The following PALM2AKAP2 variants were observed in gnomAD, a reference collection of about 807,000 sequenced individuals.
The protein encoded by PALM2AKAP2 is PALM2 and AKAP2 fusion, also known as PALM2-AKAP2 fusion protein.
PALM2AKAP2 carries 37 observed loss-of-function variants against 71.5 expected under a neutral mutation model. That is an observed-to-expected ratio of 0.52 (90% CI 0.40 to 0.68). The LOEUF is 0.68. Ranked by LOEUF, PALM2AKAP2 falls within the 30% of genes least tolerant of loss-of-function variation. The probability of loss-of-function intolerance (pLI) is 0.00; values close to 1 mark genes in which losing one functional copy is unlikely to be tolerated. For synonymous variants in PALM2AKAP2, 468 were observed against 478.8 expected (o/e 0.98, Z 0.29); for missense variants, 1,224 against 1,191.8 (o/e 1.03, Z -0.40).
At chr9:109,977,778 C>G (rs968290080) in intron 6 of PALM2AKAP2, among the ~76,000 whole-genome samples, 1 of 152,206 alleles carries the variant, frequency 6.6e-6, no homozygotes, top group Admixed American at 6.5e-5. Flanking sequence ...CTGCCTCTCT[C>G]TGGGTATCAG....
rs1828843918 is a variant in PALM2AKAP2 at position 109,846,054 on chromosome 9, G to A, written c.46-21437G>A. Among the ~76,000 whole-genome samples, 3 of 152,188 alleles carry A rather than the reference G, an allele frequency of 2.0e-5. No individual in the cohort carries two copies. The South Asian group carries it at 6.2e-4, about 32-fold the overall frequency. ...ATGTGATACAGAGGGCCATGTGGGG[G>A]GCAGTGTGATTCCTTTAGATTGGGT... On this transcript the variant is annotated intron_variant, in intron 1 of 9. Coordinates refer to the PALM2AKAP2 transcript ENST00000302798.
intron 7 of PALM2AKAP2, among the ~76,000 whole-genome samples, chr9:110,021,689 A>T (rs188782012): frequency 8.8e-4 from 133 of 151,858 alleles, no homozygotes; most frequent in African/African-American, 3.1e-3. Flanking sequence ...ATCTCAGAAT[A>T]GCTTCTATTT....
intron 1 of PALM2AKAP2, among the ~76,000 whole-genome samples, chr9:110,049,032 C>G (rs1833657704): frequency 6.6e-6 from 1 of 152,046 alleles, no homozygotes; most frequent in South Asian, 2.1e-4. Context: ...GGGAGAGGGC[C>G]CGGGTGGAGG....
At chr9:110,090,175 GC>G in intron 1 of PALM2AKAP2, 1 of 326,994 alleles carries the variant, frequency 3.1e-6, no homozygotes. Flanking sequence ...CAGCCTGTGT[GC>G]TTCCTGGGGC....
chr9:109,942,792 CAA>C (rs1426934569), intron 6 of PALM2AKAP2: 9 of 1,614,094 alleles, frequency 5.6e-6, no homozygotes, highest in Non-Finnish European at 7.6e-6. Context: ...AGAAAGGAGT[CAA>C]AGTCTATGAT....
At chr9:110,025,538 G>A (rs1362496026) in intron 7 of PALM2AKAP2, among the ~76,000 whole-genome samples, 1 of 151,944 alleles carries the variant, frequency 6.6e-6, no homozygotes, top group African/African-American at 2.4e-5. Flanking sequence ...GTCTTCCTTT[G>A]TCTTGGGATT....
chr9:109,919,904 G>T (rs1830788280), intron 3 of PALM2AKAP2, among the ~76,000 whole-genome samples: 1 of 152,094 alleles, frequency 6.6e-6, no homozygotes, highest in Non-Finnish European at 1.5e-5. Flanking sequence ...CTGTGAGTAG[G>T]CTGGGTATTT....
chr9:109,790,924 A>C (rs781293475), intron 1 of PALM2AKAP2, among the ~76,000 whole-genome samples: 2 of 152,218 alleles, frequency 1.3e-5, no homozygotes, highest in African/African-American at 4.8e-5. Flanking sequence ...TGTAACCTGC[A>C]TGGCCTATTT....
At chr9:109,665,898 C>T (rs528043733) in intron 1 of PALM2AKAP2, among the ~76,000 whole-genome samples, 44 of 152,342 alleles carry the variant, frequency 2.9e-4, no homozygotes, top group African/African-American at 9.4e-4. Context: ...TCAGCAATGG[C>T]GGATGCCCCT....
At chr9:109,824,634 G>GTTGCTT in intron 1 of PALM2AKAP2, among the ~76,000 whole-genome samples, 1 of 152,152 alleles carries the variant, frequency 6.6e-6, no homozygotes, top group Non-Finnish European at 1.5e-5. Flanking sequence ...GTCTCCTTAT[G>GTTGCTT]TTGCTTTTAG....
chr9:109,780,342 C>T (rs1829419873), upstream of PALM2AKAP2: 2 of 1,530,288 alleles, frequency 1.3e-6, no homozygotes, highest in East Asian at 2.3e-5. Flanking sequence ...CAGCTCTGCC[C>T]GCCGCCCCTG....
At chr9:109,966,440 G>A (rs1171856211) in intron 6 of PALM2AKAP2, among the ~76,000 whole-genome samples, 1 of 152,212 alleles carries the variant, frequency 6.6e-6, no homozygotes, top group Non-Finnish European at 1.5e-5. Context: ...TCTAATACCA[G>A]TACTGCTGCT....
intron 1 of PALM2AKAP2, among the ~76,000 whole-genome samples, chr9:109,692,411 A>G (rs1317104596): frequency 6.6e-6 from 1 of 151,870 alleles, no homozygotes; most frequent in Non-Finnish European, 1.5e-5. Context: ...AGTCTTAATT[A>G]TTCTTTTCTT....
rs374409705 is a variant in PALM2AKAP2 at position 109,874,377 on chromosome 9, G to A, written c.127-6174G>A. 5.3e-5 allele frequency among the ~76,000 whole-genome samples: 8 copies of A among 152,326 alleles called. No homozygotes were observed. In the East Asian group the frequency reaches 1.4e-3, roughly 26 times the overall value. On this transcript the variant is annotated intron_variant, in intron 2 of 9. Transcript: ENST00000302798. ...TCTTACACAGAGGCAAGATAGTAGAGTGTACCTCTTGGCTTCAAATCCCAG... is the reference window on the plus strand; with the variant it reads ...TCTTACACAGAGGCAAGATAGTAGAATGTACCTCTTGGCTTCAAATCCCAG...
chr9:109,815,584 T>G (rs1226386864), intron 1 of PALM2AKAP2, among the ~76,000 whole-genome samples: 1 of 150,882 alleles, frequency 6.6e-6, no homozygotes, highest in East Asian at 1.9e-4. Context: ...AAGGAGGGAG[T>G]GATGCATGGT....
intron 1 of PALM2AKAP2, among the ~76,000 whole-genome samples, chr9:109,795,366 A>T (rs929039493): frequency 1.3e-5 from 2 of 152,204 alleles, no homozygotes; most frequent in Non-Finnish European, 2.9e-5. Context: ...ATCATTAGGG[A>T]TTAATTTCTT....
intron 2 of PALM2AKAP2, among the ~76,000 whole-genome samples, chr9:109,879,447 G>A (rs980869735): frequency 6.6e-6 from 1 of 152,250 alleles, no homozygotes; most frequent in Non-Finnish European, 1.5e-5. Flanking sequence ...CCTTAGCCAT[G>A]ATGTACAGGG....
intron 1 of PALM2AKAP2, among the ~76,000 whole-genome samples, chr9:109,646,043 C>T (rs1827148373): frequency 6.6e-6 from 1 of 152,060 alleles, no homozygotes; most frequent in African/African-American, 2.4e-5. Context: ...AGGTAATAAA[C>T]AAGAAAAGAG....
chr9:109,654,486 G>T (rs1827267841), intron 1 of PALM2AKAP2, among the ~76,000 whole-genome samples: 1 of 152,146 alleles, frequency 6.6e-6, no homozygotes, highest in African/African-American at 2.4e-5. Flanking sequence ...TTCAGTTATG[G>T]ATTCTTGATT....
Sources: allele counts gnomAD v4.1 joint callset (sites outside exome capture counted in the v4.1 genomes callset), GRCh38; gene constraint gnomAD v4.1.1; transcripts MANE v1.5; gene names NCBI Gene and HGNC (gene_info 2026-07-23, HGNC 2026-07-21).